BMPR1B: variants seen among roughly 807,000 people sequenced by gnomAD.
BMPR1B encodes the protein bone morphogenetic protein receptor type-1B.
BMPR1B carries 12 observed loss-of-function variants against 59.1 expected under a neutral mutation model. The ratio of observed to expected loss-of-function variants is 0.20; its 90% CI spans 0.13 to 0.33. BMPR1B has a LOEUF of 0.33. BMPR1B is among the 10% of genes least tolerant of loss of function. BMPR1B has a pLI of 1.00. For missense variants in BMPR1B, 550 were observed against 610.9 expected, an observed-to-expected ratio of 0.90 and a Z score of 1.05; for synonymous variants, 237 against 207.3, an observed-to-expected ratio of 1.14 and a Z score of -1.23.
intron 3 of BMPR1B, among the ~76,000 whole-genome samples, chr4:95,041,106 G>A (rs1725622989): frequency 6.6e-6 from 1 of 152,066 alleles, no homozygotes; most frequent in South Asian, 2.1e-4. Flanking sequence ...ATGTACATTG[G>A]CACGATCATG....
intron 2 of BMPR1B, among the ~76,000 whole-genome samples, chr4:94,957,278 A>T (rs1198257874): frequency 6.9e-6 from 1 of 145,470 alleles, no homozygotes; most frequent in East Asian, 2.1e-4. Flanking sequence ...AAAGTGTGAG[A>T]CTGGTTTCCA....
At chr4:95,124,378 T>G (rs1004507035) in intron 7 of BMPR1B, among the ~76,000 whole-genome samples, 1 of 152,086 alleles carries the variant, frequency 6.6e-6, no homozygotes, top group Non-Finnish European at 1.5e-5. Context: ...TATGAACTTA[T>G]GTTCTAGATT....
chr4:94,789,567 T>C (rs1445540913), intron 1 of BMPR1B, among the ~76,000 whole-genome samples: 2 of 151,806 alleles, frequency 1.3e-5, no homozygotes, highest in African/African-American at 4.8e-5. Flanking sequence ...GAATTTACTT[T>C]TTGTCTAACA....
At chr4:94,851,371 T>G (rs1206667397) in intron 1 of BMPR1B, among the ~76,000 whole-genome samples, 1 of 152,178 alleles carries the variant, frequency 6.6e-6, no homozygotes, top group African/African-American at 2.4e-5. Context: ...TTAATCTCTA[T>G]TTAAGTGACA....
At chr4:94,832,443 G>T (rs1279892556) in intron 1 of BMPR1B, among the ~76,000 whole-genome samples, 1 of 152,052 alleles carries the variant, frequency 6.6e-6, no homozygotes, top group Non-Finnish European at 1.5e-5. Context: ...TTGTACCATG[G>T]GGCAGCTGAT....
At chr4:94,826,955 ATAC>A (rs1724404370) in intron 1 of BMPR1B, among the ~76,000 whole-genome samples, 1 of 152,018 alleles carries the variant, frequency 6.6e-6, no homozygotes, top group African/African-American at 2.4e-5. Flanking sequence ...TTGCAGCATA[ATAC>A]TACTTTCAAA....
intron 3 of BMPR1B, chr4:95,091,580 C>T (rs1729990499): frequency 1.0e-6 from 1 of 985,152 alleles, no homozygotes; most frequent in South Asian, 4.7e-5. Context: ...TCATGTCTCT[C>T]ATCCTAGGGA....
rs190656640 is a variant in BMPR1B, at chr4:95,092,205, T to A, written c.-17-12203T>A. ...TTTCAAAAATATAGTTGCTAAGATA[T>A]TTATTTTTTACCAGGAAGGATATAA... On this transcript the variant is annotated intron_variant, in intron 3 of 12. Coordinates refer to ENST00000515059, the MANE Select transcript of BMPR1B (RefSeq NM_001203.3). 4.1e-3 allele frequency among the ~76,000 whole-genome samples: 631 copies of A among 152,256 alleles called. 6 individuals carry two copies. Among genetic ancestry groups the A allele is most frequent in the African/African-American group, 0.015 (616 of 41,564 alleles).
chr4:95,116,385 A>T (rs1732035641), intron 6 of BMPR1B, among the ~76,000 whole-genome samples: 1 of 135,958 alleles, frequency 7.4e-6, no homozygotes. Flanking sequence ...AACAGGTCTC[A>T]TGTTCCCTTT....
At chr4:95,139,116 T>C (rs1028268764) in intron 10 of BMPR1B, among the ~76,000 whole-genome samples, 3 of 152,204 alleles carry the variant, frequency 2.0e-5, no homozygotes, top group Non-Finnish European at 2.9e-5. Flanking sequence ...TTTCTGTTTG[T>C]TAGTTTTCCT....
At chr4:95,015,697 A>AT (rs36121172) in intron 3 of BMPR1B, among the ~76,000 whole-genome samples, 10,263 of 144,978 alleles carry the variant, frequency 0.071, 756 homozygotes, top group African/African-American at 0.19. Context: ...CTGGAACATC[A>AT]TTTTTTTTTT....
At position 95,048,694 on chromosome 4, in the gene BMPR1B, C is replaced by G. The variant is rs114103157; in HGVS notation, c.-18+52560C>G. On this transcript the variant is annotated intron_variant, in intron 3 of 12. Coordinates refer to ENST00000515059, the MANE Select transcript of BMPR1B (RefSeq NM_001203.3). ...TGTGAAACCAGTTCTTGACCTGGTA[C>G]AGATAGAGGCTTAATTAGATTGGAT... Among the ~76,000 whole-genome samples the G allele has an allele frequency of 3.2e-3, 494 of 152,122 alleles. 5 individuals are homozygous for G. Among genetic ancestry groups the G allele is most frequent in the African/African-American group, 0.011 (473 of 41,514 alleles).
At chr4:95,095,159 T>C (rs536745747) in intron 3 of BMPR1B, among the ~76,000 whole-genome samples, 16 of 151,886 alleles carry the variant, frequency 1.1e-4, no homozygotes, top group South Asian at 2.1e-4. Flanking sequence ...GCCTTTAGAG[T>C]TGAAAAATTT....
At chr4:94,768,872 C>A (rs1386975397) in intron 1 of BMPR1B, among the ~76,000 whole-genome samples, 1 of 152,028 alleles carries the variant, frequency 6.6e-6, no homozygotes, top group Non-Finnish European at 1.5e-5. Flanking sequence ...CTAAAAATGG[C>A]ACAGACATGT....
At chr4:94,962,720 A>C (rs1179225843) in intron 2 of BMPR1B, among the ~76,000 whole-genome samples, 1 of 152,140 alleles carries the variant, frequency 6.6e-6, no homozygotes, top group Non-Finnish European at 1.5e-5. Context: ...TTCTTTATCC[A>C]TTCATTGTTG....
intron 1 of BMPR1B, among the ~76,000 whole-genome samples, chr4:94,812,606 A>G (rs947083469): frequency 4.6e-5 from 7 of 152,152 alleles, no homozygotes; most frequent in Non-Finnish European, 1.0e-4. Context: ...TCAGATCTCT[A>G]ATTTTAGAAA....
At chr4:95,050,615 C>CT (rs1019766571) in intron 3 of BMPR1B, among the ~76,000 whole-genome samples, 1 of 152,056 alleles carries the variant, frequency 6.6e-6, no homozygotes, top group Admixed American at 6.5e-5. Flanking sequence ...AGCAGAGATT[C>CT]TTTTTCCAAG....
At chr4:95,026,148 T>TTCTTTCTG in intron 3 of BMPR1B, among the ~76,000 whole-genome samples, 1 of 150,574 alleles carries the variant, frequency 6.6e-6, no homozygotes, top group Admixed American at 6.6e-5. Flanking sequence ...CTTTCTTTCT[T>TTCTTTCTG]TCTTTCTTTC....
intron 3 of BMPR1B, among the ~76,000 whole-genome samples, chr4:95,097,146 T>C (rs1730486523): frequency 7.6e-6 from 1 of 132,052 alleles, no homozygotes; most frequent in Non-Finnish European, 1.6e-5. Context: ...ATAACTAATA[T>C]ATATGTAACT....
Sources: gnomAD v4.1 joint callset for allele counts (sites outside exome capture counted in the v4.1 genomes callset) on GRCh38, gnomAD v4.1.1 for gene constraint, MANE v1.5 for transcripts, NCBI Gene and HGNC (gene_info 2026-07-23, HGNC 2026-07-21) for gene names.